Variants in PRPF4 observed in about 807,000 individuals in gnomAD.
The protein encoded by PRPF4 is pre-mRNA splicing tri-snRNP complex factor PRPF4.
A neutral mutation model predicts 72.2 loss-of-function variants in PRPF4; 14 were observed. The observed-to-expected ratio is 0.19, with a 90% CI of 0.13 to 0.30. PRPF4 has a LOEUF of 0.30. PRPF4 is among the 10% of genes least tolerant of loss of function. The probability of loss-of-function intolerance (pLI) is 1.00; values close to 1 mark genes in which losing one functional copy is unlikely to be tolerated. For missense variants in PRPF4, 478 were observed against 653.9 expected, an observed-to-expected ratio of 0.73 and a Z score of 2.93; for synonymous variants, 225 against 232.2, an observed-to-expected ratio of 0.97 and a Z score of 0.28.
chr9:113,278,802 T>C, intron 2 of PRPF4, 143 bp from the exon 3 acceptor site: 1 of 850,806 alleles, frequency 1.2e-6, no homozygotes, highest in Non-Finnish European at 1.8e-6. Context: ...TGGCATAATT[T>C]AATAAACTGA....
At chr9:113,288,939 C>T (rs1479799823) in intron 10 of PRPF4, among the ~76,000 whole-genome samples, 1 of 152,096 alleles carries the variant, frequency 6.6e-6, no homozygotes, top group African/African-American at 2.4e-5. Flanking sequence ...TTTAAGTGTA[C>T]AATGCTGTCA....
At chr9:113,277,393 T>C (rs1832142482) in intron 2 of PRPF4, among the ~76,000 whole-genome samples, 1 of 151,982 alleles carries the variant, frequency 6.6e-6, no homozygotes, top group African/African-American at 2.4e-5. Context: ...TTTTTGTGTG[T>C]GTGTGTGTGT....
At chr9:113,280,808 ATTC>A (rs1832255881) in intron 3 of PRPF4, among the ~76,000 whole-genome samples, 1 of 151,816 alleles carries the variant, frequency 6.6e-6, no homozygotes, top group African/African-American at 2.4e-5. Context: ...GTCTACTTTT[ATTC>A]TTCTGTCTTG....
At chr9:113,283,331 C>T (rs1161071033) in intron 5 of PRPF4, 58 bp from the exon 6 acceptor site, 3 of 1,613,002 alleles carry the variant, frequency 1.9e-6, no homozygotes, top group Non-Finnish European at 2.5e-6. Context: ...AGTAGGGATA[C>T]ATGTGGGTCC....
chr9:113,283,802 C>T (rs1252579801), intron 6 of PRPF4, among the ~76,000 whole-genome samples: 2 of 152,156 alleles, frequency 1.3e-5, no homozygotes, highest in South Asian at 2.1e-4. Flanking sequence ...CACAGTGGCT[C>T]AGTCCTGTAA....
At chr9:113,281,825 C>T (rs1370410037) in intron 3 of PRPF4, among the ~76,000 whole-genome samples, 2 of 152,028 alleles carry the variant, frequency 1.3e-5, no homozygotes, top group African/African-American at 2.4e-5. Context: ...GTTAGATGCC[C>T]GTTACAAAGT....
chr9:113,276,420 G>C, intron 1 of PRPF4, 128 bp from the exon 2 acceptor site: 1 of 1,002,026 alleles, frequency 1.0e-6, no homozygotes, highest in South Asian at 1.4e-5. Flanking sequence ...CTTAAGTAGT[G>C]TCCAATTTGT....
At chr9:113,278,695 T>C (rs1832186883) in intron 2 of PRPF4, among the ~76,000 whole-genome samples, 1 of 152,216 alleles carries the variant, frequency 6.6e-6, no homozygotes, top group Non-Finnish European at 1.5e-5. Flanking sequence ...TCAGCCAAAG[T>C]GTGTGTTTAT....
chr9:113,288,794 A>G (rs995399776), intron 10 of PRPF4, among the ~76,000 whole-genome samples: 1 of 152,140 alleles, frequency 6.6e-6, no homozygotes, highest in African/African-American at 2.4e-5. Flanking sequence ...TTACCAGAAA[A>G]CAAGGATTTT....
Position 113,279,019 on chromosome 9 carries a change from C to T in PRPF4, c.280C>T (p.Arg94Ter). The change falls in exon 3 of 14, where the codon CGA becomes TGA. Residue 94 changes from arginine (R) to a stop codon, truncating the protein, a stop_gained. Transcript: ENST00000374198. LOFTEE classifies it high-confidence loss of function. ...ATTGGCTGAGTTTGAGAGAAGGAAG[C>T]GAGCCCGGCAGATCAATGTTTCCAC... ...EVLAEFERRK[R>*]ARQINVSTDD... 2.5e-6 allele frequency: 4 copies of T among 1,614,204 alleles called. No homozygotes were observed. Among genetic ancestry groups the T allele is most frequent in the Non-Finnish European group, 3.4e-6 (4 of 1,180,024 alleles).
intron 3 of PRPF4, among the ~76,000 whole-genome samples, chr9:113,279,421 C>T (rs1378771804): frequency 3.3e-5 from 5 of 152,014 alleles, no homozygotes; most frequent in East Asian, 1.9e-4. Flanking sequence ...TTGAGTGCAG[C>T]GTCGTGATCT....
At chr9:113,288,082 T>C in intron 9 of PRPF4, 93 bp from the exon 10 acceptor site, 2 of 1,181,610 alleles carry the variant, frequency 1.7e-6, no homozygotes, top group Non-Finnish European at 2.4e-6. Flanking sequence ...GCCTCTCGTG[T>C]TGTACAGAAT....
At position 113,292,719 on chromosome 9, in the gene PRPF4, C is replaced by G. The variant is rs1832645088; in HGVS notation, c.*1059C>G. The G allele has an allele frequency of 6.6e-6, 1 of 152,240 alleles. No homozygotes were observed. Among genetic ancestry groups the G allele is most frequent in the Non-Finnish European group, 1.5e-5 (1 of 68,044 alleles). The allele number at this position is 152,240 out of a possible 1,614,324, so 9.4% of individuals were successfully genotyped here. A position where few individuals can be genotyped will look rare whatever the true frequency, so the allele number is the denominator to read the frequency against. On this transcript the variant is annotated 3_prime_UTR_variant, in exon 14 of 14. Transcript: ENST00000374198. ...ACGTCTCTATTGTACAACCTCCTTT[C>G]TCTTGGCTGTTTAAAGGATGTACTT...
Position 113,285,805 on chromosome 9 carries a change from C to T in PRPF4, c.750-427C>T, listed in dbSNP as rs141019421. On this transcript the variant is annotated intron_variant, in intron 7 of 13. Coordinates refer to ENST00000374198, the MANE Select transcript of PRPF4 (RefSeq NM_001244926.2). ...GCTTGAGCCTGGGAGGTTGAGGCTGCAGTGAACTGTGATCACACTACTGCA... is the reference window on the plus strand; with the variant it reads ...GCTTGAGCCTGGGAGGTTGAGGCTGTAGTGAACTGTGATCACACTACTGCA... Among the ~76,000 whole-genome samples, 861 of 152,066 alleles carry T rather than the reference C, an allele frequency of 5.7e-3. 10 individuals carry two copies. The highest frequency in any genetic ancestry group is 0.02 in the African/African-American group (822 of 41,454).
Position 113,280,139 on chromosome 9 carries a change from C to G in PRPF4, c.392+1008C>G, listed in dbSNP as rs187630937. ...CCAATCCACCTTTACTAAGAATAGC[C>G]CTAGTATACTGCCAGCCACTCCTCC... is the stretch of plus-strand genomic sequence containing the variant. On this transcript the variant is annotated intron_variant, in intron 3 of 13. Coordinates refer to ENST00000374198, the MANE Select transcript of PRPF4 (RefSeq NM_001244926.2). Among the ~76,000 whole-genome samples, 99 of 152,240 alleles carry G rather than the reference C, an allele frequency of 6.5e-4. 1 individual carries two copies. Among genetic ancestry groups the G allele is most frequent in the African/African-American group, 2.3e-3 (94 of 41,538 alleles).
At chr9:113,283,010 G>T in intron 4 of PRPF4, 122 bp from the exon 5 acceptor site, 1 of 1,531,740 alleles carries the variant, frequency 6.5e-7, no homozygotes. Context: ...TCCTCTGCCT[G>T]ATTTCATCCT....
intron 2 of PRPF4, 76 bp downstream of exon 2, chr9:113,276,801 TATA>T: frequency 6.8e-7 from 1 of 1,465,994 alleles, no homozygotes; most frequent in Admixed American, 2.3e-5. Flanking sequence ...ACCACAGTTT[TATA>T]ATGTCAAAAA....
intron 8 of PRPF4, 101 bp from the exon 9 acceptor site, chr9:113,286,604 T>G (rs373184429): frequency 2.7e-4 from 370 of 1,358,966 alleles, no homozygotes; most frequent in African/African-American, 1.8e-3. Flanking sequence ...AATAGTTGAA[T>G]AGTCACTTGA....
chr9:113,282,971 C>T lies in PRPF4; in HGVS notation c.481-161C>T, dbSNP rs187142484. ...CATTCCTGGTATAACCATGTAGTTACATATCATAGAAAAAAATTCAGTAGA... is the reference window on the plus strand; with the variant it reads ...CATTCCTGGTATAACCATGTAGTTATATATCATAGAAAAAAATTCAGTAGA... On this transcript the variant is annotated intron_variant, in intron 4 of 13. Coordinates refer to ENST00000374198, the MANE Select transcript of PRPF4 (RefSeq NM_001244926.2). 1.1e-3 allele frequency: 1,428 copies of T among 1,310,884 alleles called. 13 individuals carry two copies. The African/African-American group carries it at 0.019, about 17-fold the overall frequency. 81.2% of individuals were successfully genotyped at this position (1,310,884 alleles called of 1,614,324 possible).
Sources: allele counts gnomAD v4.1 joint callset (sites outside exome capture counted in the v4.1 genomes callset), GRCh38; gene constraint gnomAD v4.1.1; transcripts MANE v1.5; gene names NCBI Gene and HGNC (gene_info 2026-07-23, HGNC 2026-07-21).